Variants in FBXL13 observed in about 807,000 individuals in gnomAD.
The protein encoded by FBXL13 is F-box and leucine-rich repeat protein 13.
In FBXL13, 67 loss-of-function variants were observed where a neutral mutation model predicts 83.6. The observed-to-expected ratio is 0.80, with a 90% confidence interval of 0.66 to 0.98. FBXL13 has a LOEUF of 0.98. Ranked by LOEUF, FBXL13 falls within the 50% of genes least tolerant of loss-of-function variation. The pLI is 0.00. For synonymous variants in FBXL13, 272 were observed against 299.5 expected (o/e 0.91, Z 0.95); for missense variants, 822 against 866.5 (o/e 0.95, Z 0.64).
In FBXL13 at chr7:102,939,489, A is replaced by C. The variant is rs570221585; in HGVS notation, c.725-7556T>G. On this transcript the variant is annotated intron_variant, in intron 8 of 19. Coordinates refer to ENST00000313221, the Ensembl canonical transcript of FBXL13. ...TATTGTTAAACTTGACTTGTCATAC[A>C]ATAAAATCAACCAACTTCGACCCAA... 10 of 1,614,030 alleles carry C rather than the reference A, an allele frequency of 6.2e-6. No individual in the cohort carries two copies. The South Asian group carries it at 9.9e-5, about 16-fold the overall frequency.
chr7:102,816,978 T>G (rs916979448), intron 19 of FBXL13, among the ~76,000 whole-genome samples: 3 of 152,254 alleles, frequency 2.0e-5, no homozygotes, highest in Non-Finnish European at 2.9e-5. Context: ...ATGGTCTGAA[T>G]GTACCACATT....
At chr7:102,831,431 A>ACACACACCC (rs1033135095) in intron 18 of FBXL13, among the ~76,000 whole-genome samples, 2 of 147,126 alleles carry the variant, frequency 1.4e-5, no homozygotes, top group African/African-American at 2.5e-5. Flanking sequence ...ACACACACAC[A>ACACACACCC]CCCCACTACA....
chr7:102,881,609 A>G (rs1252583333), intron 14 of FBXL13, among the ~76,000 whole-genome samples: 3 of 151,688 alleles, frequency 2.0e-5, no homozygotes, highest in Non-Finnish European at 2.9e-5. Context: ...TATCATTACT[A>G]TGTAACAAAT....
intron 1 of FBXL13, among the ~76,000 whole-genome samples, chr7:103,066,541 G>A (rs571199041): frequency 4.6e-4 from 70 of 151,966 alleles, no homozygotes; most frequent in Middle Eastern, 6.8e-3. Context: ...ACAGGCGCCC[G>A]CCATCACGCC....
chr7:103,061,176 T>G (rs911346723), intron 1 of FBXL13, among the ~76,000 whole-genome samples: 7 of 139,680 alleles, frequency 5.0e-5, no homozygotes, highest in Non-Finnish European at 9.2e-5. Context: ...ACTTGAAGGG[T>G]TTTTTTTTTT....
intron 11 of FBXL13, among the ~76,000 whole-genome samples, chr7:102,905,153 T>C (rs1001047570): frequency 5.9e-5 from 9 of 152,176 alleles, no homozygotes; most frequent in African/African-American, 1.9e-4. Context: ...AGATTAAGTC[T>C]GATGTGTCTT....
At chr7:102,913,602 A>G (rs1815208245) in intron 10 of FBXL13, among the ~76,000 whole-genome samples, 1 of 152,200 alleles carries the variant, frequency 6.6e-6, no homozygotes, top group Non-Finnish European at 1.5e-5. Flanking sequence ...TGGAGTACCA[A>G]AATAATGTGC....
In FBXL13 at chr7:102,957,917, A is replaced by C. The variant is rs1379086198; in HGVS notation, c.724+5616T>G. Among the ~76,000 whole-genome samples the C allele has an allele frequency of 4.6e-5, 7 of 152,270 alleles. No homozygotes were observed. The East Asian group carries it at 1.3e-3, about 29-fold the overall frequency. On this transcript the variant is annotated intron_variant, in intron 8 of 19. Transcript: ENST00000313221. ...GCTGGAGAGGATGTGGAGAAATAGG[A>C]ATGCTTTTACATCGTTGGTTGGAGT...
intron 6 of FBXL13, among the ~76,000 whole-genome samples, chr7:103,002,169 T>A (rs919620870): frequency 1.3e-5 from 2 of 152,186 alleles, no homozygotes; most frequent in African/African-American, 4.8e-5. Context: ...TTTGAGTGTA[T>A]CTATTACAGG....
exon 14 of FBXL13, chr7:102,883,433 A>T (rs748664596): frequency 6.2e-7 from 1 of 1,612,986 alleles, no homozygotes; most frequent in African/African-American, 1.3e-5. Flanking sequence ...TCTTGTCTAT[A>T]AATTTGAAGG....
intron 11 of FBXL13, among the ~76,000 whole-genome samples, chr7:102,906,705 T>C (rs980266401): frequency 4.6e-5 from 7 of 152,242 alleles, no homozygotes; most frequent in African/African-American, 1.7e-4. Flanking sequence ...ACTGAAAAGT[T>C]TGCTGCCAAA....
At chr7:102,975,032 A>G (rs913285005) in intron 6 of FBXL13, among the ~76,000 whole-genome samples, 4 of 152,010 alleles carry the variant, frequency 2.6e-5, no homozygotes, top group Non-Finnish European at 5.9e-5. Flanking sequence ...CTGCCTATCA[A>G]CTTAACCCTC....
intron 2 of FBXL13, among the ~76,000 whole-genome samples, chr7:103,035,166 G>A (rs927406442): frequency 1.3e-5 from 2 of 152,180 alleles, no homozygotes; most frequent in African/African-American, 2.4e-5. Context: ...AAGGATTCCA[G>A]GTGTACAGCC....
intron 1 of FBXL13, among the ~76,000 whole-genome samples, chr7:103,073,263 G>A (rs74927973): frequency 5.2e-4 from 79 of 152,268 alleles, no homozygotes; most frequent in African/African-American, 1.9e-3. Flanking sequence ...GAAATCAAAT[G>A]GACAGCTAGA....
intron 6 of FBXL13, among the ~76,000 whole-genome samples, chr7:103,003,823 C>T (rs892615078): frequency 7.2e-5 from 11 of 152,128 alleles, no homozygotes; most frequent in Non-Finnish European, 1.0e-4. Flanking sequence ...GTAATCCACC[C>T]GCCTTGACCT....
chr7:102,858,950 A>G (rs1188904609), intron 16 of FBXL13, among the ~76,000 whole-genome samples: 2 of 152,200 alleles, frequency 1.3e-5, no homozygotes, highest in Non-Finnish European at 2.9e-5. Context: ...CAAACATACT[A>G]AAAACCACTG....
intron 8 of FBXL13, among the ~76,000 whole-genome samples, chr7:102,947,967 T>C (rs1028098360): frequency 6.6e-6 from 1 of 152,138 alleles, no homozygotes; most frequent in African/African-American, 2.4e-5. Flanking sequence ...TTCCATCCTC[T>C]GGAGCCTATG....
chr7:102,919,596 T>A (rs1375296544), intron 10 of FBXL13, among the ~76,000 whole-genome samples: 2 of 152,160 alleles, frequency 1.3e-5, no homozygotes, highest in East Asian at 3.8e-4. Context: ...AAAAATAGGT[T>A]ACCAACAAAG....
intron 11 of FBXL13, among the ~76,000 whole-genome samples, chr7:102,885,448 T>G (rs2129459352): frequency 6.7e-6 from 1 of 149,040 alleles, no homozygotes; most frequent in African/African-American, 2.4e-5. Flanking sequence ...TTATTTGCCT[T>G]TTTTTTTTTA....
Sources: allele counts gnomAD v4.1 joint callset (sites outside exome capture counted in the v4.1 genomes callset), GRCh38; gene constraint gnomAD v4.1.1; transcripts MANE v1.5; gene names NCBI Gene and HGNC (gene_info 2026-07-23, HGNC 2026-07-21).